The following RIMS2 variants were observed in gnomAD, a reference collection of about 807,000 sequenced individuals.
The protein encoded by RIMS2 is regulating synaptic membrane exocytosis 2, also known as regulating synaptic membrane exocytosis protein 2.
A neutral mutation model predicts 174.4 loss-of-function variants in RIMS2; 59 were observed. The observed-to-expected ratio is 0.34, with a 90% CI of 0.27 to 0.42. The LOEUF (loss-of-function observed/expected upper bound fraction) is 0.42, where lower values mean the gene tolerates loss of function less well. Ranked by LOEUF, RIMS2 falls within the 10% of genes least tolerant of loss-of-function variation. The probability of loss-of-function intolerance (pLI) is 1.00; values close to 1 mark genes in which losing one functional copy is unlikely to be tolerated. For synonymous variants in RIMS2, 606 were observed against 572.5 expected, an observed-to-expected ratio of 1.06 and a Z score of -0.84; for missense variants, 1,620 against 1,666.3, an observed-to-expected ratio of 0.97 and a Z score of 0.48.
intron 3 of RIMS2, among the ~76,000 whole-genome samples, chr8:103,848,663 T>C (rs2098980847): frequency 6.6e-6 from 1 of 151,930 alleles, no homozygotes; most frequent in Admixed American, 6.6e-5. Flanking sequence ...ACCCTATGGG[T>C]TTATGTTGTT....
At chr8:103,618,897 C>T (rs1229242931) in intron 1 of RIMS2, among the ~76,000 whole-genome samples, 2 of 152,040 alleles carry the variant, frequency 1.3e-5, no homozygotes, top group Non-Finnish European at 2.9e-5. Flanking sequence ...GAATTCAATT[C>T]AGGGATATTG....
chr8:103,967,356 A>G (rs1301629669), intron 15 of RIMS2, among the ~76,000 whole-genome samples: 2 of 151,028 alleles, frequency 1.3e-5, no homozygotes, highest in Non-Finnish European at 1.5e-5. Flanking sequence ...ACATCTGGCT[A>G]ATTTGTTTTG....
chr8:103,650,764 G>A (rs957864164), intron 1 of RIMS2, among the ~76,000 whole-genome samples: 61 of 152,200 alleles, frequency 4.0e-4, no homozygotes, highest in African/African-American at 1.5e-3. Flanking sequence ...AAGTTGGCAG[G>A]CTGAAATGAC....
intron 2 of RIMS2, 138 bp from the exon 5 acceptor site, chr8:103,716,171 T>G (rs543495247): frequency 1.3e-4 from 20 of 152,146 alleles, no homozygotes; most frequent in African/African-American, 4.8e-4. Context: ...AAAATGTAAT[T>G]TAGACATTTT....
intron 19 of RIMS2, among the ~76,000 whole-genome samples, chr8:104,107,221 T>C (rs1227898328): frequency 3.9e-5 from 6 of 152,178 alleles, no homozygotes; most frequent in Non-Finnish European, 7.3e-5. Flanking sequence ...TGGCTTCTGG[T>C]TTCTTTTTGA....
At chr8:104,057,587 C>CTT (rs1411723480) in intron 19 of RIMS2, among the ~76,000 whole-genome samples, 1 of 151,232 alleles carries the variant, frequency 6.6e-6, no homozygotes, top group Non-Finnish European at 1.5e-5. Context: ...TATTATTATA[C>CTT]TTTAAGTTTT....
At chr8:104,075,420 C>T (rs2154562215) in intron 19 of RIMS2, among the ~76,000 whole-genome samples, 1 of 152,276 alleles carries the variant, frequency 6.6e-6, no homozygotes, top group South Asian at 2.1e-4. Context: ...AAAAAAATGC[C>T]TGCTAGGCAT....
chr8:104,096,231 A>G (rs1017270132), intron 19 of RIMS2, among the ~76,000 whole-genome samples: 2 of 152,150 alleles, frequency 1.3e-5, no homozygotes, highest in African/African-American at 2.4e-5. Context: ...TTTTCTACAT[A>G]CTGTATACAT....
chr8:103,900,979 G>A (rs1032090286), intron 4 of RIMS2, among the ~76,000 whole-genome samples: 1 of 152,068 alleles, frequency 6.6e-6, no homozygotes, highest in East Asian at 1.9e-4. Context: ...CCCCAGGGAC[G>A]CTGTGCTCAA....
chr8:103,854,464 T>G (rs1239091759), intron 3 of RIMS2, among the ~76,000 whole-genome samples: 1 of 152,092 alleles, frequency 6.6e-6, no homozygotes, highest in Non-Finnish European at 1.5e-5. Context: ...TTCCAGCTTT[T>G]GCCTAATCAG....
intron 3 of RIMS2, among the ~76,000 whole-genome samples, chr8:103,868,613 G>A (rs2047346): frequency 0.4 from 61,170 of 151,828 alleles, 12,762 homozygotes; most frequent in African/African-American, 0.44. Flanking sequence ...AACAAGTTTG[G>A]TTAAATTTTT....
At chr8:103,586,562 C>G (rs554290526) in intron 1 of RIMS2, among the ~76,000 whole-genome samples, 43 of 152,076 alleles carry the variant, frequency 2.8e-4, no homozygotes, top group African/African-American at 9.6e-4. Context: ...ATAATGGAAA[C>G]ACAATGTACC....
chr8:103,728,314 G>A (rs992156143), intron 2 of RIMS2, among the ~76,000 whole-genome samples: 1 of 152,064 alleles, frequency 6.6e-6, no homozygotes, highest in Non-Finnish European at 1.5e-5. Context: ...GAATTTATCA[G>A]TTTGAATAGT....
intron 19 of RIMS2, among the ~76,000 whole-genome samples, chr8:104,230,279 C>CA (rs34786751): frequency 0.036 from 4,038 of 111,008 alleles, 68 homozygotes; most frequent in Middle Eastern, 0.059. Context: ...AACTACATCT[C>CA]AAAAAAAAAA....
chr8:104,158,037 T>C (rs1205185208), intron 19 of RIMS2, among the ~76,000 whole-genome samples: 1 of 152,168 alleles, frequency 6.6e-6, no homozygotes, highest in East Asian at 1.9e-4. Flanking sequence ...ACGTTAGATA[T>C]TTCTCCTAAC....
intron 1 of RIMS2, among the ~76,000 whole-genome samples, chr8:103,626,055 T>C (rs1464739675): frequency 6.6e-6 from 1 of 152,100 alleles, no homozygotes; most frequent in African/African-American, 2.4e-5. Flanking sequence ...AAGTATGTGA[T>C]AAATGTTGTA....
intron 1 of RIMS2, among the ~76,000 whole-genome samples, chr8:103,686,417 G>C (rs576014746): frequency 2.0e-4 from 30 of 152,168 alleles, no homozygotes; most frequent in Admixed American, 1.3e-3. Flanking sequence ...ACTGATCTTA[G>C]GGGGAAGCAT....
At chr8:103,773,242 T>C (rs1305302231) in intron 3 of RIMS2, among the ~76,000 whole-genome samples, 1 of 152,160 alleles carries the variant, frequency 6.6e-6, no homozygotes, top group Non-Finnish European at 1.5e-5. Flanking sequence ...TTTCAAGAAA[T>C]TTCAAGAGAA....
chr8:103,659,170 A>T (rs2096566297), intron 1 of RIMS2, among the ~76,000 whole-genome samples: 1 of 152,180 alleles, frequency 6.6e-6, no homozygotes, highest in South Asian at 2.1e-4. Context: ...TGACTGGTCA[A>T]AGAAGTTGAT....
Sources: allele counts gnomAD v4.1 joint callset (sites outside exome capture counted in the v4.1 genomes callset), GRCh38; gene constraint gnomAD v4.1.1; transcripts MANE v1.5; gene names NCBI Gene and HGNC (gene_info 2026-07-23, HGNC 2026-07-21).